SNX31: variants seen among roughly 807,000 people sequenced by gnomAD.
SNX31 encodes sorting nexin 31, also known as sorting nexin-31.
SNX31 carries 58 observed loss-of-function variants against 65.4 expected under a neutral mutation model. That is an observed-to-expected ratio of 0.89 (90% CI 0.72 to 1.10). SNX31 has a LOEUF of 1.10. SNX31 is among the 50% of genes least tolerant of loss of function. SNX31 has a pLI of 0.00. For missense variants in SNX31, 523 were observed against 529.7 expected, an observed-to-expected ratio of 0.99 and a Z score of 0.12; for synonymous variants, 181 against 190.1, an observed-to-expected ratio of 0.95 and a Z score of 0.39.
Position 100,596,706 on chromosome 8 carries a change from G to C in SNX31, c.911C>G (p.Pro304Arg), listed in dbSNP as rs1243540621. 1.2e-6 allele frequency: 2 copies of C among 1,614,154 alleles called. No homozygotes were observed. Among genetic ancestry groups the C allele is most frequent in the South Asian group, 2.2e-5 (2 of 91,082 alleles). Residue 304 changes from proline to arginine, a missense_variant, in exon 10 of 14, where the codon CCT (proline) becomes CGT (arginine). Pro to Arg is a moderately radical substitution (Grantham distance 103, BLOSUM62 -2). Coordinates refer to ENST00000311812, the MANE Select transcript of SNX31 (RefSeq NM_152628.4). ...NNEISCCITL[P>R]DSQTQDIVFQ... ...AACGATGTCCTGGGTCTGGCTGTCA[G>C]GCAGGGTGATGCAGCAGCTGATCTC...
At position 100,611,981 on chromosome 8, in the gene SNX31, A is replaced by G; in HGVS notation, c.611+19T>C. 6.2e-7 allele frequency: 1 copy of G among 1,601,984 alleles called. No individual in the cohort carries two copies. The highest frequency in any genetic ancestry group is 8.6e-7 in the Non-Finnish European group (1 of 1,169,130). Reference sequence around the variant, plus strand: ...CGAAGTGTCGTCAAACGCCTCTGTCACTTTCAGAACCTACTTACCACTTTC... The same window carrying G: ...CGAAGTGTCGTCAAACGCCTCTGTCGCTTTCAGAACCTACTTACCACTTTC... On this transcript the variant is annotated intron_variant, in intron 7 of 13. Transcript: ENST00000311812.
intron 8 of SNX31, among the ~76,000 whole-genome samples, chr8:100,600,938 T>G (rs1406473937): frequency 6.6e-6 from 1 of 152,080 alleles, no homozygotes; most frequent in Non-Finnish European, 1.5e-5. Context: ...TATCAAACAG[T>G]TAATATTTAT....
chr8:100,617,576 A>G (rs1228617111), intron 5 of SNX31, 44 bp downstream of exon 5: 4 of 1,341,382 alleles, frequency 3.0e-6, no homozygotes, highest in Non-Finnish European at 4.2e-6. Flanking sequence ...AAACAGAACC[A>G]TCCCTAGATT....
chr8:100,581,144 A>C (rs1019313256), intron 12 of SNX31, among the ~76,000 whole-genome samples: 1 of 151,164 alleles, frequency 6.6e-6, no homozygotes, highest in Non-Finnish European at 1.5e-5. Flanking sequence ...AAAAAAAAAA[A>C]AAAAATTAGC....
At chr8:100,633,381 G>A (rs953959094) in intron 3 of SNX31, among the ~76,000 whole-genome samples, 1 of 152,056 alleles carries the variant, frequency 6.6e-6, no homozygotes, top group African/African-American at 2.4e-5. Flanking sequence ...TGTGATCTTA[G>A]GAAATACACA....
Position 100,630,086 on chromosome 8 carries a change from A to C in SNX31, c.321+241T>G, listed in dbSNP as rs1489353085. On this transcript the variant is annotated intron_variant, in intron 4 of 13. Coordinates refer to ENST00000311812, the MANE Select transcript of SNX31 (RefSeq NM_152628.4). The surrounding 1 kb of genome is among the most constrained non-coding windows in gnomAD (Gnocchi z 5.3). ...TGATTCTTAGGCTACAGAAAAAGGG[A>C]TCTACTTAATAAAATGAGCCAAAGG... 3.3e-5 allele frequency among the ~76,000 whole-genome samples: 5 copies of C among 152,174 alleles called. No individual in the cohort carries two copies. The highest frequency in any genetic ancestry group is 9.7e-5 in the African/African-American group (4 of 41,430).
chr8:100,589,065 C>A, intron 10 of SNX31, 86 bp from the exon 11 acceptor site: 4 of 997,496 alleles, frequency 4.0e-6, no homozygotes, highest in South Asian at 1.5e-5. Context: ...GAAATCCCAG[C>A]TGAGGCGGGC....
exon 1 of SNX31, chr8:100,663,174 G>A (rs1031910772): frequency 1.3e-5 from 2 of 152,160 alleles, no homozygotes; most frequent in African/African-American, 2.4e-5. Context: ...CTTGAACGAC[G>A]GGACCATCAG....
At chr8:100,605,136 T>G (rs1816027625) in intron 8 of SNX31, among the ~76,000 whole-genome samples, 1 of 149,314 alleles carries the variant, frequency 6.7e-6, no homozygotes, top group Non-Finnish European at 1.5e-5. Flanking sequence ...TGACCTCAGG[T>G]GATCCACCTG....
At position 100,617,749 on chromosome 8, in the gene SNX31, C is replaced by T. The variant is rs766360313; in HGVS notation, c.322-19G>A. 1 of 1,548,080 alleles carries T rather than the reference C, an allele frequency of 6.5e-7. No homozygotes were observed. The highest frequency in any genetic ancestry group is 2.2e-5 in the East Asian group (1 of 44,516). On this transcript the variant is annotated intron_variant, in intron 4 of 13. Coordinates refer to ENST00000311812, the MANE Select transcript of SNX31 (RefSeq NM_152628.4). ...ATGTATTCTATAAGCAAAAGAAAAGCAAAATAAATTTCCACACCTTTTTTT... is the reference window on the plus strand; with the variant it reads ...ATGTATTCTATAAGCAAAAGAAAAGTAAAATAAATTTCCACACCTTTTTTT...
Position 100,612,975 on chromosome 8 carries a change from A to G in SNX31, c.523+20T>C. ...GTCCACCCCATCTCCTAGCTGATTC[A>G]TTTGTTCCTTCCTTCTTACCAGAGA... On this transcript the variant is annotated intron_variant, in intron 6 of 13. Transcript: ENST00000311812. The surrounding 1 kb of genome is among the most constrained non-coding windows in gnomAD (Gnocchi z 4.3). 1 of 1,609,650 alleles carries G rather than the reference A, an allele frequency of 6.2e-7. No homozygotes were observed. Among genetic ancestry groups the G allele is most frequent in the Non-Finnish European group, 8.5e-7 (1 of 1,176,002 alleles).
At position 100,575,504 on chromosome 8, in the gene SNX31, C is replaced by T. The variant is rs1168827326; in HGVS notation, c.1227+1515G>A. Among the ~76,000 whole-genome samples, 1 of 152,182 alleles carries T rather than the reference C, an allele frequency of 6.6e-6. No individual in the cohort carries two copies. Among genetic ancestry groups the T allele is most frequent in the Non-Finnish European group, 1.5e-5 (1 of 68,036 alleles). ...GATAGGTTGGCCTGTATTAGAGTTA[C>T]CACTCATCCGAGAGGACAACTGAAC... is the stretch of plus-strand genomic sequence containing the variant. On this transcript the variant is annotated intron_variant, in intron 13 of 13. Coordinates refer to ENST00000311812, the MANE Select transcript of SNX31 (RefSeq NM_152628.4). The surrounding 1 kb of genome is among the most constrained non-coding windows in gnomAD (Gnocchi z 5.1).
chr8:100,658,353 T>C lies in SNX31; in HGVS notation c.-58+4789A>G, dbSNP rs1053403535. 1.2e-4 allele frequency among the ~76,000 whole-genome samples: 19 copies of C among 152,216 alleles called. 1 individual carries two copies. Among genetic ancestry groups the C allele is most frequent in the African/African-American group, 4.1e-4 (17 of 41,462 alleles). On this transcript the variant is annotated intron_variant, in intron 1 of 5. Coordinates refer to the SNX31 transcript ENST00000520352. Reference sequence around the variant, plus strand: ...GGCAAAACTGCAGTGAAACATTGCCTGAGATTTTATTCAAAGTCTTTTTCA... The same window carrying C: ...GGCAAAACTGCAGTGAAACATTGCCCGAGATTTTATTCAAAGTCTTTTTCA...
rs1243847406 is a variant in SNX31 at position 100,613,941 on chromosome 8, CA to C, written c.433-857del. Among the ~76,000 whole-genome samples, 2 of 152,120 alleles carry C rather than the reference CA, an allele frequency of 1.3e-5. No homozygotes were observed. Among genetic ancestry groups the C allele is most frequent in the Non-Finnish European group, 2.9e-5 (2 of 68,018 alleles). On this transcript the variant is annotated intron_variant, in intron 5 of 13. Transcript: ENST00000311812. This position sits in a 1 kb window ranked among gnomAD's most constrained non-coding sequence, Gnocchi z 5.2. ...TCTGTACCACGCAAGGAGAGGCCTC[CA>C]AGCACTGCCCTCCAGAGCTGCTTTA...
Position 100,630,516 on chromosome 8 carries a change from A to G in SNX31, c.257-125T>C, listed in dbSNP as rs961108294. Reference sequence around the variant, plus strand: ...CTCTGTCTCCTCCCTGAAGTGATAAATGTTGAAACCTCTCAAATACAGGAA... The same window carrying G: ...CTCTGTCTCCTCCCTGAAGTGATAAGTGTTGAAACCTCTCAAATACAGGAA... On this transcript the variant is annotated intron_variant, in intron 3 of 13. Transcript: ENST00000311812. This position sits in a 1 kb window ranked among gnomAD's most constrained non-coding sequence, Gnocchi z 5.3. 1.3e-6 allele frequency: 1 copy of G among 749,990 alleles called. No homozygotes were observed. Among genetic ancestry groups the G allele is most frequent in the Non-Finnish European group, 2.1e-6 (1 of 472,924 alleles). The allele number at this position is 749,990 out of a possible 1,614,324, so 46.5% of individuals were successfully genotyped here. A position where few individuals can be genotyped will look rare whatever the true frequency, so the allele number is the denominator to read the frequency against.
chr8:100,631,164 T>C (rs1266885300), intron 3 of SNX31, among the ~76,000 whole-genome samples: 1 of 152,188 alleles, frequency 6.6e-6, no homozygotes, highest in Non-Finnish European at 1.5e-5. Context: ...CAGAGAGATT[T>C]AAAATATTTC....
intron 4 of SNX31, among the ~76,000 whole-genome samples, chr8:100,624,803 C>A (rs1403478983): frequency 1.3e-5 from 2 of 151,904 alleles, no homozygotes; most frequent in African/African-American, 2.4e-5. Flanking sequence ...AGCTGCTATC[C>A]TTTTTCTTTT....
rs558381898 is a variant in SNX31 at position 100,622,102 on chromosome 8, C to T, written c.322-4372G>A. Among the ~76,000 whole-genome samples, 6 of 152,118 alleles carry T rather than the reference C, an allele frequency of 3.9e-5. No homozygotes were observed. The highest frequency in any genetic ancestry group is 2.1e-4 in the South Asian group (1 of 4,818). ...TGACAATGAAAATAACCTGACTAATCGGAAGTAGTTGAGTTCTACCTTCTC... is the reference window on the plus strand; with the variant it reads ...TGACAATGAAAATAACCTGACTAATTGGAAGTAGTTGAGTTCTACCTTCTC... On this transcript the variant is annotated intron_variant, in intron 4 of 13. Transcript: ENST00000311812. The surrounding 1 kb of genome is among the most constrained non-coding windows in gnomAD (Gnocchi z 5.0).
intron 2 of SNX31, among the ~76,000 whole-genome samples, chr8:100,639,453 C>T (rs1348168647): frequency 6.6e-6 from 1 of 152,178 alleles, no homozygotes; most frequent in African/African-American, 2.4e-5. Flanking sequence ...CAGCACTATA[C>T]TGCCACATGT....
Sources: gnomAD v4.1 joint callset for allele counts (sites outside exome capture counted in the v4.1 genomes callset) on GRCh38, gnomAD v4.1.1 for gene constraint, Gnocchi (gnomAD v3.1) non-coding constraint, MANE v1.5 for transcripts, NCBI Gene and HGNC (gene_info 2026-07-23, HGNC 2026-07-21) for gene names.